Variants in SLC6A11 observed in about 807,000 individuals in gnomAD.
SLC6A11 encodes the protein sodium- and chloride-dependent GABA transporter 3.
Under a neutral mutation model 74.8 loss-of-function variants are expected in SLC6A11, and 25 were observed. That is an observed-to-expected ratio of 0.33 (90% CI 0.24 to 0.47). The LOEUF is 0.47. Among genes scored for constraint, SLC6A11 ranks in the 20% least tolerant of loss-of-function variants. The pLI is 1.00. For missense variants in SLC6A11, 574 were observed against 837.0 expected (o/e 0.69, Z 3.88); for synonymous variants, 330 against 330.2 (o/e 1.00, Z 0.01).
rs534347433 is a variant in SLC6A11 at position 10,873,584 on chromosome 3, G to A, written c.757-1377G>A. The stretch of plus-strand genomic sequence containing the variant: ...CCTACCCTACCCTACCCTACCCTAC[G>A]CTATCCTATCCTATCCTATCCTATG... On this transcript the variant is annotated intron_variant, in intron 5 of 13. Transcript: ENST00000254488. 5.5e-3 allele frequency among the ~76,000 whole-genome samples: 639 copies of A among 115,686 alleles called. 6 individuals are homozygous for A. The highest frequency in any genetic ancestry group is 0.025 in the African/African-American group (592 of 24,100). 75.9% of individuals were successfully genotyped at this position (115,686 alleles called of 152,430 possible). A position where few individuals can be genotyped will look rare whatever the true frequency, so the allele number is the denominator to read the frequency against.
At chr3:10,928,006 A>G (rs1219825528) in intron 9 of SLC6A11, among the ~76,000 whole-genome samples, 1 of 152,136 alleles carries the variant, frequency 6.6e-6, no homozygotes, top group African/African-American at 2.4e-5. Context: ...TTTGCCACTT[A>G]TCGCCTGGGT....
intron 4 of SLC6A11, chr3:10,824,626 T>G (rs1328459436): frequency 1.3e-5 from 2 of 152,226 alleles, no homozygotes; most frequent in Non-Finnish European, 2.9e-5. Context: ...TGCTCAATAT[T>G]GGTTCTTAGA....
chr3:10,910,804 A>T (rs1695375764), intron 6 of SLC6A11, among the ~76,000 whole-genome samples: 1 of 149,086 alleles, frequency 6.7e-6, no homozygotes, highest in Non-Finnish European at 1.5e-5. Context: ...CACCTACCAC[A>T]TAGGGTTGCT....
intron 13 of SLC6A11, 87 bp downstream of exon 13, chr3:10,935,286 G>A (rs541116596): frequency 6.6e-5 from 83 of 1,250,386 alleles, no homozygotes; most frequent in Non-Finnish European, 8.2e-5. Flanking sequence ...GCGCGATGAC[G>A]GCCTGCGCCC....
chr3:10,838,168 C>A (rs889104618), intron 4 of SLC6A11, among the ~76,000 whole-genome samples: 13 of 152,206 alleles, frequency 8.5e-5, no homozygotes, highest in Admixed American at 5.2e-4. Flanking sequence ...TCCCACATGG[C>A]CCTCCTGGGT....
At chr3:10,821,586 A>C (rs1694138602) in intron 3 of SLC6A11, among the ~76,000 whole-genome samples, 1 of 152,196 alleles carries the variant, frequency 6.6e-6, no homozygotes, top group Non-Finnish European at 1.5e-5. Flanking sequence ...TGGGAAAGCA[A>C]TATAATTTTA....
intron 13 of SLC6A11, 195 bp downstream of exon 13, chr3:10,935,394 C>A: frequency 1.7e-6 from 1 of 577,574 alleles, no homozygotes; most frequent in East Asian, 2.9e-5. Flanking sequence ...TTGGCTGAGC[C>A]AGTTTCTAGG....
intron 6 of SLC6A11, among the ~76,000 whole-genome samples, chr3:10,907,989 G>A (rs1695332967): frequency 1.3e-5 from 2 of 152,252 alleles, no homozygotes; most frequent in African/African-American, 4.8e-5. Context: ...TAAGGAGCCT[G>A]GCATGCTGGT....
At chr3:10,871,378 T>C (rs1023791759) in intron 5 of SLC6A11, among the ~76,000 whole-genome samples, 1 of 152,228 alleles carries the variant, frequency 6.6e-6, no homozygotes, top group African/African-American at 2.4e-5. Flanking sequence ...TTAAGATAGC[T>C]GAGTTCCAAA....
In SLC6A11 at chr3:10,886,714, G is replaced by A. The variant is rs145309860; in HGVS notation, c.891+11619G>A. 5.3e-5 allele frequency among the ~76,000 whole-genome samples: 8 copies of A among 151,978 alleles called. No homozygotes were observed. The East Asian group carries it at 5.8e-4, about 11-fold the overall frequency. On this transcript the variant is annotated intron_variant, in intron 6 of 13. Transcript: ENST00000254488. ...CCTAGCTACTGGGGAGGATGAAACC[G>A]GAGAATTGCTTAAACCAGGGAGGTG...
chr3:10,841,804 TGTGTGTGTGTGTGC>T (rs1357884796), intron 4 of SLC6A11, among the ~76,000 whole-genome samples: 1 of 151,886 alleles, frequency 6.6e-6, no homozygotes, highest in African/African-American at 2.4e-5. Flanking sequence ...GGCACATGTC[TGTGTGTGTGTGTGC>T]GTGTGTGTGT....
chr3:10,869,706 A>G (rs1033199905), intron 5 of SLC6A11, among the ~76,000 whole-genome samples: 1 of 152,240 alleles, frequency 6.6e-6, no homozygotes, highest in Non-Finnish European at 1.5e-5. Context: ...CAACCCTTTC[A>G]TCATATCCCA....
At chr3:10,886,713 C>T (rs974670495) in intron 6 of SLC6A11, among the ~76,000 whole-genome samples, 2 of 151,292 alleles carry the variant, frequency 1.3e-5, no homozygotes, top group African/African-American at 4.9e-5. Context: ...AGGATGAAAC[C>T]GGAGAATTGC....
chr3:10,842,748 G>A (rs1371986960), intron 4 of SLC6A11, among the ~76,000 whole-genome samples: 1 of 152,088 alleles, frequency 6.6e-6, no homozygotes, highest in Non-Finnish European at 1.5e-5. Flanking sequence ...GTATTTAAGT[G>A]GATGTTCCCA....
intron 5 of SLC6A11, among the ~76,000 whole-genome samples, chr3:10,850,322 A>G (rs937636427): frequency 2.0e-5 from 3 of 152,166 alleles, no homozygotes; most frequent in Admixed American, 6.5e-5. Context: ...CCACATGTTC[A>G]CTTGCTAGAG....
chr3:10,823,390 G>A lies in SLC6A11; in HGVS notation c.621G>A (p.Trp207Ter). The A allele has an allele frequency of 6.2e-7, 1 of 1,605,656 alleles. No individual in the cohort carries two copies. The highest frequency in any genetic ancestry group is 8.5e-7 in the Non-Finnish European group (1 of 1,172,400). ...CCACCTCCCCTGTCATGGAGTTTTG[G>A]GAGTAAGTGGAGAAGAACTTGTCTC... Reference protein sequence around the residue: ...QNATSPVMEFWEHRVLAISDG... With the variant: ...QNATSPVMEF Residue 207 changes from tryptophan (W) to a stop codon, truncating the protein, a stop_gained and splice_region_variant, in exon 4 of 14, where the codon TGG (tryptophan) becomes TGA (stop). Transcript: ENST00000254488. LOFTEE classifies it high-confidence loss of function.
At chr3:10,855,067 G>T (rs1417111642) in intron 5 of SLC6A11, among the ~76,000 whole-genome samples, 1 of 152,098 alleles carries the variant, frequency 6.6e-6, no homozygotes, top group African/African-American at 2.4e-5. Context: ...TTGGGAGATG[G>T]GTAGGGGGGC....
At chr3:10,934,550 G>T (rs935099641) in intron 12 of SLC6A11, among the ~76,000 whole-genome samples, 3 of 152,204 alleles carry the variant, frequency 2.0e-5, no homozygotes, top group African/African-American at 7.2e-5. Flanking sequence ...TTCATGCTCT[G>T]CCTGAGACCG....
chr3:10,864,029 A>G (rs1179197874), intron 5 of SLC6A11, among the ~76,000 whole-genome samples: 1 of 152,060 alleles, frequency 6.6e-6, no homozygotes, highest in African/African-American at 2.4e-5. Flanking sequence ...ATGTAAGAAT[A>G]AGGCACATCA....
Sources: gnomAD v4.1 joint callset for allele counts (sites outside exome capture counted in the v4.1 genomes callset) on GRCh38, gnomAD v4.1.1 for gene constraint, MANE v1.5 for transcripts, NCBI Gene and HGNC (gene_info 2026-07-23, HGNC 2026-07-21) for gene names.